PCDHGA2: variants seen among roughly 807,000 people sequenced by gnomAD.
PCDHGA2 encodes protocadherin gamma subfamily A, 2, also known as protocadherin gamma-A2.
In PCDHGA2, 40 loss-of-function variants were observed where a neutral mutation model predicts 59.2. That is an observed-to-expected ratio of 0.68 (90% CI 0.52 to 0.88). The LOEUF is 0.88. Among genes scored for constraint, PCDHGA2 ranks in the 40% least tolerant of loss-of-function variants. PCDHGA2 has a pLI of 0.00. For missense variants in PCDHGA2, 1,226 were observed against 1,204.0 expected, an observed-to-expected ratio of 1.02 and a Z score of -0.27; for synonymous variants, 560 against 526.0, an observed-to-expected ratio of 1.06 and a Z score of -0.89.
chr5:141,488,714 A>G (rs2099678684), intron 1 of PCDHGA2, among the ~76,000 whole-genome samples: 1 of 152,192 alleles, frequency 6.6e-6, no homozygotes, highest in Non-Finnish European at 1.5e-5. Flanking sequence ...TGGTTCAAGC[A>G]AAGTGGTGGA....
At chr5:141,423,318 G>T (rs1165459779) in intron 1 of PCDHGA2, 17 of 1,614,006 alleles carry the variant, frequency 1.1e-5, no homozygotes, top group South Asian at 8.8e-5. Context: ...TGGTGGTGGC[G>T]GTGGCCGCAG....
In PCDHGA2 at chr5:141,370,028, G is replaced by A. The variant is rs549001136; in HGVS notation, c.2424+28633G>A. 2.6e-4 allele frequency among the ~76,000 whole-genome samples: 39 copies of A among 152,344 alleles called. No homozygotes were observed. In the South Asian group the frequency reaches 7.9e-3, roughly 31 times the overall value. On this transcript the variant is annotated intron_variant, in intron 1 of 3. Transcript: ENST00000394576. Reference sequence around the variant, plus strand: ...AAAGAAATAACAGACTAAAGATATAGTAAGTATATTTAATGTTTTTTAAAA... The same window carrying A: ...AAAGAAATAACAGACTAAAGATATAATAAGTATATTTAATGTTTTTTAAAA...
At chr5:141,415,182 C>A (rs2095840318) in intron 1 of PCDHGA2, 1 of 1,613,842 alleles carries the variant, frequency 6.2e-7, no homozygotes, top group Admixed American at 1.7e-5. Flanking sequence ...TGGCCGTGGC[C>A]GACAGCATCC....
chr5:141,355,807 G>T (rs1444554207), intron 1 of PCDHGA2: 2 of 1,613,264 alleles, frequency 1.2e-6, no homozygotes. Context: ...TCTAGATCGC[G>T]AGGAAGAGGC....
rs1007767889 is a variant in PCDHGA2, at chr5:141,360,273, C to G, written c.2424+18878C>G. On this transcript the variant is annotated intron_variant, in intron 1 of 3. Coordinates refer to ENST00000394576, the MANE Select transcript of PCDHGA2 (RefSeq NM_018915.4). Reference sequence around the variant, plus strand: ...CAGAGGAGCTGGCCAAAAACTCGGTCGTAGGAAACCTCGCCAAGGATCTGG... The same window carrying G: ...CAGAGGAGCTGGCCAAAAACTCGGTGGTAGGAAACCTCGCCAAGGATCTGG... 6.8e-6 allele frequency: 11 copies of G among 1,613,778 alleles called. No individual in the cohort carries two copies. The Admixed American group carries it at 8.3e-5, about 12-fold the overall frequency.
intron 1 of PCDHGA2, chr5:141,398,849 T>G: frequency 6.2e-7 from 1 of 1,613,874 alleles, no homozygotes; most frequent in Admixed American, 1.7e-5. Flanking sequence ...AATCCCCCGG[T>G]ATTCAACCGA....
chr5:141,383,424 T>A, intron 1 of PCDHGA2: 1 of 1,613,978 alleles, frequency 6.2e-7, no homozygotes, highest in Non-Finnish European at 8.5e-7. Context: ...TCAGCCCCAA[T>A]CGCCACTTCT....
rs761155361 is a variant in PCDHGA2, at chr5:141,365,110, G to A, written c.2424+23715G>A. 2.5e-6 allele frequency: 4 copies of A among 1,613,868 alleles called. No homozygotes were observed. In the South Asian group the frequency reaches 4.4e-5, roughly 18 times the overall value. On this transcript the variant is annotated intron_variant, in intron 1 of 3. Transcript: ENST00000394576. ...CAGAGAACATACCTGTGGGCACTCG[G>A]CTGCTCATGCTAACCGCCACGGATC...
rs756612454 is a variant in PCDHGA2, at chr5:141,372,732, C to A, written c.2424+31337C>A. On this transcript the variant is annotated intron_variant, in intron 1 of 3. Coordinates refer to ENST00000394576, the MANE Select transcript of PCDHGA2 (RefSeq NM_018915.4). Reference sequence around the variant, plus strand: ...GGCTGAAAATGCTGCACCACAAGATCTTCTATGTGATGAAGCCTCTTGGTT... The same window carrying A: ...GGCTGAAAATGCTGCACCACAAGATATTCTATGTGATGAAGCCTCTTGGTT... 8 of 1,613,376 alleles carry A rather than the reference C, an allele frequency of 5.0e-6. No homozygotes were observed. In the South Asian group the frequency reaches 8.8e-5, roughly 18 times the overall value.
rs764742899 is a variant in PCDHGA2, at chr5:141,487,062, C to T, written c.2425-7745C>T. On this transcript the variant is annotated intron_variant, in intron 1 of 3. Transcript: ENST00000394576. This position sits in a 1 kb window ranked among gnomAD's most constrained non-coding sequence, Gnocchi z 5.0. Reference sequence around the variant, plus strand: ...TCTCGATATGCTGGGGAGGTGCGGACGGCTGTTCCTATCCCAGCTGACCTC... The same window carrying T: ...TCTCGATATGCTGGGGAGGTGCGGATGGCTGTTCCTATCCCAGCTGACCTC... 2.8e-5 allele frequency: 45 copies of T among 1,613,980 alleles called. No homozygotes were observed. Among genetic ancestry groups the T allele is most frequent in the East Asian group, 1.3e-4 (6 of 44,874 alleles).
intron 1 of PCDHGA2, among the ~76,000 whole-genome samples, chr5:141,406,564 C>T (rs1475993893): frequency 6.6e-6 from 1 of 152,164 alleles, no homozygotes; most frequent in African/African-American, 2.4e-5. Flanking sequence ...CACTTCCAAA[C>T]CCTAGTAAAC....
At chr5:141,417,556 A>C (rs1240389709) in intron 1 of PCDHGA2, 1 of 333,096 alleles carries the variant, frequency 3.0e-6, no homozygotes, top group Non-Finnish European at 5.4e-6. Context: ...TGAAAGAGGT[A>C]GAGAAAAGTC....
intron 1 of PCDHGA2, chr5:141,389,455 G>A (rs1345301697): frequency 6.2e-7 from 1 of 1,613,044 alleles, no homozygotes; most frequent in Admixed American, 1.7e-5. Context: ...GAGCAGCTGC[G>A]CGCCTTCGAA....
intron 1 of PCDHGA2, among the ~76,000 whole-genome samples, chr5:141,407,824 G>C (rs2094986699): frequency 6.6e-6 from 1 of 152,190 alleles, no homozygotes; most frequent in South Asian, 2.1e-4. Context: ...TAATATTATG[G>C]TGAGAGCAAA....
intron 1 of PCDHGA2, among the ~76,000 whole-genome samples, chr5:141,470,181 A>G (rs974401154): frequency 3.9e-5 from 6 of 152,236 alleles, no homozygotes; most frequent in African/African-American, 9.6e-5. Flanking sequence ...AAAATATTCA[A>G]GTAAACTTCA....
chr5:141,486,282 C>T lies in PCDHGA2; in HGVS notation c.2425-8525C>T. ...AGTGCAGAACCTGGCACTGTGGTGGCACTTATCAGTGTGCAGGATCCAGAC... is the reference window on the plus strand; with the variant it reads ...AGTGCAGAACCTGGCACTGTGGTGGTACTTATCAGTGTGCAGGATCCAGAC... On this transcript the variant is annotated intron_variant, in intron 1 of 3. Transcript: ENST00000394576. This position sits in a 1 kb window ranked among gnomAD's most constrained non-coding sequence, Gnocchi z 5.0. 6.2e-7 allele frequency: 1 copy of T among 1,614,052 alleles called. No homozygotes were observed. Among genetic ancestry groups the T allele is most frequent in the Non-Finnish European group, 8.5e-7 (1 of 1,179,992 alleles).
At position 141,400,328 on chromosome 5, in the gene PCDHGA2, T is replaced by A. The variant is rs754904671; in HGVS notation, c.2424+58933T>A. ...GGTCTCTGTGTCAAGTCTGGACCTG[T>A]GGTTCCCCCCAACTACAGTCAGGGG... On this transcript the variant is annotated intron_variant, in intron 1 of 3. Coordinates refer to ENST00000394576, the MANE Select transcript of PCDHGA2 (RefSeq NM_018915.4). 80 of 1,613,976 alleles carry A rather than the reference T, an allele frequency of 5.0e-5. No homozygotes were observed. Among genetic ancestry groups the A allele is most frequent in the Non-Finnish European group, 6.4e-5 (76 of 1,179,916 alleles).
chr5:141,373,392 A>G (rs1769542024), intron 1 of PCDHGA2, among the ~76,000 whole-genome samples: 1 of 152,218 alleles, frequency 6.6e-6, no homozygotes, highest in Non-Finnish European at 1.5e-5. Context: ...TTTGTGTAGC[A>G]TATGCCTGTA....
chr5:141,368,755 G>A (rs557718841), intron 1 of PCDHGA2, among the ~76,000 whole-genome samples: 1 of 151,984 alleles, frequency 6.6e-6, no homozygotes, highest in Non-Finnish European at 1.5e-5. Flanking sequence ...TTAAATATCT[G>A]AATCTTTAGT....
Sources: allele counts gnomAD v4.1 joint callset (sites outside exome capture counted in the v4.1 genomes callset), GRCh38; gene constraint gnomAD v4.1.1; non-coding constraint Gnocchi (gnomAD v3.1); transcripts MANE v1.5; gene names NCBI Gene and HGNC (gene_info 2026-07-23, HGNC 2026-07-21).